Variants in PSG11 observed in about 807,000 individuals in gnomAD.
The protein encoded by PSG11 is pregnancy specific beta-1-glycoprotein 11.
A neutral mutation model predicts 36.0 loss-of-function variants in PSG11; 42 were observed. That is an observed-to-expected ratio of 1.17 (90% confidence interval 0.91 to 1.51). PSG11 has a LOEUF of 1.51. Ranked by LOEUF, PSG11 falls within the 40% of genes most tolerant of loss-of-function variation. The pLI is 0.00. For missense variants in PSG11, 558 were observed against 403.5 expected (o/e 1.38, Z -3.28); for synonymous variants, 206 against 153.5 (o/e 1.34, Z -2.53).
intron 2 of PSG11, among the ~76,000 whole-genome samples, chr19:43,021,878 C>T (rs1967109994): frequency 6.6e-6 from 1 of 151,382 alleles, no homozygotes; most frequent in South Asian, 2.1e-4. Flanking sequence ...CAGCCTCTGA[C>T]ACCCTGGTGA....
At chr19:43,025,936 C>CTTTTTTTTTTT (rs1195259262) in intron 1 of PSG11, among the ~76,000 whole-genome samples, 5 of 68,148 alleles carry the variant, frequency 7.3e-5, no homozygotes, top group African/African-American at 1.9e-4. Flanking sequence ...TTTTTTTTCT[C>CTTTTTTTTTTT]TTTTTTTTTT....
intron 2 of PSG11, among the ~76,000 whole-genome samples, chr19:43,022,802 G>A (rs1967133475): frequency 1.3e-5 from 2 of 150,978 alleles, no homozygotes; most frequent in South Asian, 2.1e-4. Flanking sequence ...AGCCTGGCAG[G>A]AGTGGCAACT....
At position 43,021,686 on chromosome 19, in the gene PSG11, G is replaced by C. The variant is rs1438738767; in HGVS notation, c.431-2638C>G. On this transcript the variant is annotated intron_variant, in intron 2 of 5. Coordinates refer to ENST00000320078, the MANE Select transcript of PSG11 (RefSeq NM_002785.3). ...TAATGAGTTGTTGACTTTTGAGTTTGTTCAGCTTTTTACTTAGTGTTAGAA... is the reference window on the plus strand; with the variant it reads ...TAATGAGTTGTTGACTTTTGAGTTTCTTCAGCTTTTTACTTAGTGTTAGAA... Among the ~76,000 whole-genome samples the C allele has an allele frequency of 9.9e-5, 15 of 151,448 alleles. 1 individual carries two copies. Among genetic ancestry groups the C allele is most frequent in the Admixed American group, 3.3e-4 (5 of 15,170 alleles).
At chr19:43,024,311 T>G (rs960248135) in intron 2 of PSG11, among the ~76,000 whole-genome samples, 3 of 151,306 alleles carry the variant, frequency 2.0e-5, no homozygotes, top group African/African-American at 4.9e-5. Flanking sequence ...GGTTTGAGGC[T>G]TCTAGGGCTG....
intron 3 of PSG11, chr19:43,015,907 C>T (rs755071492): frequency 6.2e-7 from 1 of 1,610,044 alleles, no homozygotes; most frequent in Non-Finnish European, 8.5e-7. Context: ...TACCCTGGGA[C>T]TGACCGGGAG....
At chr19:43,023,195 A>T (rs374158849) in intron 2 of PSG11, among the ~76,000 whole-genome samples, 1 of 149,964 alleles carries the variant, frequency 6.7e-6, no homozygotes, top group African/African-American at 2.5e-5. Context: ...GGGATGAAAC[A>T]TGGGTGTCAG....
chr19:43,009,605 G>T (rs1974021767), intron 5 of PSG11, among the ~76,000 whole-genome samples: 1 of 151,456 alleles, frequency 6.6e-6, no homozygotes, highest in Non-Finnish European at 1.5e-5. Context: ...CTGGAGACAA[G>T]AAGTCAAGCA....
chr19:43,018,664 G>T lies in PSG11; in HGVS notation c.709+106C>A. On this transcript the variant is annotated intron_variant, in intron 3 of 5. Transcript: ENST00000320078. ...GTCATGGCCAGCTTTGATGTCCAGTGGTAAAGGTCTCTGTACTTGGACCTG... is the reference window on the plus strand; with the variant it reads ...GTCATGGCCAGCTTTGATGTCCAGTTGTAAAGGTCTCTGTACTTGGACCTG... 15 of 1,602,954 alleles carry T rather than the reference G, an allele frequency of 9.4e-6. 1 individual carries two copies. The highest frequency in any genetic ancestry group is 1.2e-5 in the Non-Finnish European group (14 of 1,171,748).
Position 43,015,727 on chromosome 19 carries a change from T to G in PSG11, c.710-357A>C, listed in dbSNP as rs538821151. ...GAGGCCTGGCCCCTGGTCGTTTGGA[T>G]TTAAGCTGGTGTCCTGGCCCACAGA... On this transcript the variant is annotated intron_variant, in intron 3 of 5. Transcript: ENST00000320078. The G allele has an allele frequency of 3.5e-5, 56 of 1,605,116 alleles. 6 individuals are homozygous for G. In the African/African-American group the frequency reaches 4.6e-4, roughly 13 times the overall value.
rs1966934912 is a variant in PSG11, at chr19:43,015,358, A to C, written c.722T>G (p.Leu241Arg). The C allele has an allele frequency of 6.2e-7, 1 of 1,609,706 alleles. No homozygotes were observed. Residue 241 changes from leucine to arginine, a missense_variant, in exon 4 of 6, where the codon CTC (leucine) becomes CGC (arginine). Leu to Arg is a moderately radical substitution (Grantham distance 102). Transcript: ENST00000320078. ...VTLNLLHGPD[L>R]PRIFPSVTSY... The stretch of plus-strand genomic sequence containing the variant: ...GGTGACTGAAGGGAAAATTCTGGGG[A>C]GGTCTGGACCATCTGGAGGAAAGAG...
intron 2 of PSG11, among the ~76,000 whole-genome samples, chr19:43,020,376 G>A (rs1337411264): frequency 6.6e-6 from 1 of 151,314 alleles, no homozygotes; most frequent in Non-Finnish European, 1.5e-5. Context: ...GAAGTGTAAA[G>A]TTTTGGAGCA....
chr19:43,024,582 C>T (rs895976442), intron 2 of PSG11, 109 bp downstream of exon 2: 1 of 1,580,040 alleles, frequency 6.3e-7, no homozygotes, highest in African/African-American at 1.4e-5. Context: ...CAGCATGGGA[C>T]ATAATGCAGA....
chr19:43,009,993 G>C lies in PSG11; in HGVS notation c.*5C>G, dbSNP rs763118095. On this transcript the variant is annotated 3_prime_UTR_variant, in exon 5 of 6. Coordinates refer to ENST00000320078, the MANE Select transcript of PSG11 (RefSeq NM_002785.3). ...TCCTGAAATACAAAAATGACATCAC[G>C]GCTGCTACGTTGGATTATTGAAAGC... is the stretch of plus-strand genomic sequence containing the variant. 2 of 1,606,476 alleles carry C rather than the reference G, an allele frequency of 1.2e-6. No homozygotes were observed. The highest frequency in any genetic ancestry group is 1.7e-6 in the Non-Finnish European group (2 of 1,174,328).
chr19:43,015,621 A>C, intron 3 of PSG11: 2 of 1,459,896 alleles, frequency 1.4e-6, no homozygotes, highest in East Asian at 2.3e-5. Context: ...TGTCTACCCA[A>C]GTTTTCCCAG....
intron 2 of PSG11, 128 bp downstream of exon 2, chr19:43,024,563 C>T (rs1428546610): frequency 4.5e-6 from 7 of 1,542,940 alleles, no homozygotes; most frequent in African/African-American, 1.4e-5. Flanking sequence ...GCACTAAATG[C>T]CCAAACCCCA....
chr19:43,022,789 T>G lies in PSG11; in HGVS notation c.430+1902A>C, dbSNP rs374861954. On this transcript the variant is annotated intron_variant, in intron 2 of 5. Coordinates refer to ENST00000320078, the MANE Select transcript of PSG11 (RefSeq NM_002785.3). ...GTGACCTGGGGACATTGGCTCGAGA[T>G]GAAGCCTGGCAGGAGTGGCAACTCC... is the stretch of plus-strand genomic sequence containing the variant. 1.0e-3 allele frequency among the ~76,000 whole-genome samples: 155 copies of G among 150,986 alleles called. 1 individual carries two copies. Among genetic ancestry groups the G allele is most frequent in the Middle Eastern group, 0.01 (3 of 294 alleles).
intron 2 of PSG11, among the ~76,000 whole-genome samples, chr19:43,023,347 C>G (rs1465422690): frequency 6.6e-6 from 1 of 150,928 alleles, no homozygotes; most frequent in Non-Finnish European, 1.5e-5. Context: ...GTGTGTGTCT[C>G]TCGCTGGGCC....
chr19:43,011,328 T>C (rs1599668214), intron 4 of PSG11, among the ~76,000 whole-genome samples: 1 of 151,082 alleles, frequency 6.6e-6, no homozygotes, highest in Admixed American at 6.6e-5. Context: ...CTGTAAACTC[T>C]TACATTAAAA....
At position 43,018,807 on chromosome 19, in the gene PSG11, A is replaced by G; in HGVS notation, c.672T>C (p.Ser224=). The G allele has an allele frequency of 1.2e-6, 2 of 1,611,682 alleles. No individual in the cohort carries two copies. Among genetic ancestry groups the G allele is most frequent in the East Asian group, 2.2e-5 (1 of 44,780 alleles). The change falls in exon 3 of 6, where the codon AGT becomes AGC. Residue 224 remains serine, a synonymous_variant. Coordinates refer to ENST00000320078, the MANE Select transcript of PSG11 (RefSeq NM_002785.3). The part of the protein sequence containing the change: ...PYECEIWNSG[S]ASRSDPVTLN... ...GGGTGACTGGGTCACTGCGGCTGGC[A>G]CTCCCTGAGTTCCATATTTCACATT...
Sources: gnomAD v4.1 joint callset for allele counts (sites outside exome capture counted in the v4.1 genomes callset) on GRCh38, gnomAD v4.1.1 for gene constraint, MANE v1.5 for transcripts, NCBI Gene and HGNC (gene_info 2026-07-23, HGNC 2026-07-21) for gene names.